ZBTB20: variants seen among roughly 807,000 people sequenced by gnomAD.
ZBTB20 encodes the protein zinc finger and BTB domain containing 20, also known as zinc finger and BTB domain-containing protein 20.
In ZBTB20, 9 loss-of-function variants were observed where a neutral mutation model predicts 56.9. The observed-to-expected ratio is 0.16, with a 90% CI of 0.10 to 0.28. The LOEUF is 0.28. Ranked by LOEUF, ZBTB20 falls within the 10% of genes least tolerant of loss-of-function variation. The pLI is 1.00. For missense variants in ZBTB20, 655 were observed against 1,003.0 expected, an observed-to-expected ratio of 0.65 and a Z score of 4.69; for synonymous variants, 417 against 420.7, an observed-to-expected ratio of 0.99 and a Z score of 0.11.
intron 6 of ZBTB20, among the ~76,000 whole-genome samples, chr3:114,681,900 T>C (rs1433830389): frequency 1.3e-5 from 2 of 152,154 alleles, no homozygotes; most frequent in African/African-American, 4.8e-5. Context: ...CTTCATTAGG[T>C]TGAAAGGTTA....
chr3:115,125,613 T>C (rs1289330498), intron 1 of ZBTB20, among the ~76,000 whole-genome samples: 2 of 152,166 alleles, frequency 1.3e-5, no homozygotes, highest in Non-Finnish European at 2.9e-5. Flanking sequence ...ATATAAAATT[T>C]CAGTTATACA....
chr3:114,993,007 C>T (rs1260968384), intron 2 of ZBTB20, among the ~76,000 whole-genome samples: 6 of 151,924 alleles, frequency 3.9e-5, no homozygotes, highest in African/African-American at 1.4e-4. Flanking sequence ...GAGAAAACAA[C>T]TTTCTTCACC....
At chr3:114,989,635 G>A (rs1311567236) in intron 2 of ZBTB20, among the ~76,000 whole-genome samples, 1 of 152,112 alleles carries the variant, frequency 6.6e-6, no homozygotes, top group Non-Finnish European at 1.5e-5. Flanking sequence ...CCAATTCTGT[G>A]AAGAAAGTCA....
chr3:115,007,464 A>T (rs1276656101), intron 2 of ZBTB20, among the ~76,000 whole-genome samples: 1 of 151,900 alleles, frequency 6.6e-6, no homozygotes, highest in East Asian at 1.9e-4. Flanking sequence ...AAGCTGTTCA[A>T]TGAATACTTA....
intron 6 of ZBTB20, among the ~76,000 whole-genome samples, chr3:114,655,241 C>CTTTTTT (rs2060335982): frequency 9.5e-6 from 1 of 105,752 alleles, no homozygotes; most frequent in African/African-American, 5.3e-5. Flanking sequence ...GTTTTCCTTT[C>CTTTTTT]CTTTTTTTTT....
intron 2 of ZBTB20, among the ~76,000 whole-genome samples, chr3:115,055,009 T>C (rs1461418975): frequency 6.6e-6 from 1 of 152,092 alleles, no homozygotes; most frequent in African/African-American, 2.4e-5. Flanking sequence ...TAGGAGTCCA[T>C]GCTTTCCTGA....
intron 6 of ZBTB20, among the ~76,000 whole-genome samples, chr3:114,539,165 T>C (rs1363708769): frequency 1.3e-5 from 2 of 152,186 alleles, no homozygotes; most frequent in Non-Finnish European, 2.9e-5. Context: ...TTCCTAGCTT[T>C]AGAAGATTAT....
At position 114,441,902 on chromosome 3, in the gene ZBTB20, A is replaced by G. The variant is rs116088449; in HGVS notation, c.-254-52797T>C. Among the ~76,000 whole-genome samples the G allele has an allele frequency of 8.0e-3, 1,215 of 152,250 alleles. 26 individuals carry two copies. Among genetic ancestry groups the G allele is most frequent in the African/African-American group, 0.028 (1,153 of 41,534 alleles). On this transcript the variant is annotated intron_variant, in intron 7 of 11. Coordinates refer to ENST00000675478, the MANE Select transcript of ZBTB20 (RefSeq NM_001348800.3). ...AAAATCCAAACCAAAACCAAAACAA[A>G]AAAAACCACCAACAAAACAAAATAA...
rs185305791 is a variant in ZBTB20 at position 114,532,918 on chromosome 3, C to T, written c.-294-32527G>A. On this transcript the variant is annotated intron_variant, in intron 6 of 11. Coordinates refer to ENST00000675478, the MANE Select transcript of ZBTB20 (RefSeq NM_001348800.3). ...AGATGCCAGACTGTTAGAAGGAAAACTAACAAACAGAAAGGAATAGCATCA... is the reference window on the plus strand; with the variant it reads ...AGATGCCAGACTGTTAGAAGGAAAATTAACAAACAGAAAGGAATAGCATCA... 9.5e-4 allele frequency among the ~76,000 whole-genome samples: 145 copies of T among 152,302 alleles called. 1 individual carries two copies. Among genetic ancestry groups the T allele is most frequent in the African/African-American group, 3.5e-3 (145 of 41,576 alleles).
At chr3:114,437,369 T>C (rs1021930831) in intron 7 of ZBTB20, among the ~76,000 whole-genome samples, 1 of 152,160 alleles carries the variant, frequency 6.6e-6, no homozygotes, top group Admixed American at 6.5e-5. Flanking sequence ...TTGGTTGAGG[T>C]GAGAGTAGCT....
chr3:114,722,601 G>GA (rs1230732541), intron 5 of ZBTB20, among the ~76,000 whole-genome samples: 2 of 152,092 alleles, frequency 1.3e-5, no homozygotes, highest in East Asian at 3.9e-4. Context: ...ACATATTAAA[G>GA]AAAAAAACAA....
intron 1 of ZBTB20, among the ~76,000 whole-genome samples, chr3:115,135,111 T>G (rs753069869): frequency 6.6e-6 from 1 of 152,210 alleles, no homozygotes; most frequent in Non-Finnish European, 1.5e-5. Context: ...TTTCTCATAT[T>G]TACCCATGGA....
intron 6 of ZBTB20, among the ~76,000 whole-genome samples, chr3:114,601,983 T>C (rs748672650): frequency 3.7e-4 from 56 of 152,018 alleles, no homozygotes; most frequent in Non-Finnish European, 7.8e-4. Context: ...GTAATGAGTA[T>C]TATAATCCAC....
intron 4 of ZBTB20, among the ~76,000 whole-genome samples, chr3:114,816,325 A>T (rs2072915144): frequency 6.6e-6 from 1 of 152,186 alleles, no homozygotes; most frequent in Non-Finnish European, 1.5e-5. Context: ...CCTCAAACAA[A>T]TGATACCACA....
At chr3:114,783,755 T>G (rs1241467314) in intron 5 of ZBTB20, among the ~76,000 whole-genome samples, 2 of 145,042 alleles carry the variant, frequency 1.4e-5, no homozygotes, top group Admixed American at 7.1e-5. Flanking sequence ...ATCGCGCCAC[T>G]GCACTCCAGC....
At chr3:114,362,922 G>A (rs181441900) in intron 10 of ZBTB20, among the ~76,000 whole-genome samples, 88 of 152,012 alleles carry the variant, frequency 5.8e-4, no homozygotes, top group Non-Finnish European at 7.8e-4. Context: ...TGATAACAGG[G>A]TATTTATATG....
intron 6 of ZBTB20, among the ~76,000 whole-genome samples, chr3:114,514,078 G>A (rs1404667158): frequency 1.3e-5 from 2 of 152,130 alleles, no homozygotes; most frequent in Admixed American, 1.3e-4. Context: ...AAAAATTCAT[G>A]GTATGTCTGG....
Position 114,657,973 on chromosome 3 carries a change from G to A in ZBTB20, c.-295+35555C>T, listed in dbSNP as rs371887111. 1.8e-4 allele frequency among the ~76,000 whole-genome samples: 28 copies of A among 152,096 alleles called. No homozygotes were observed. The East Asian group carries it at 4.8e-3, about 26-fold the overall frequency. ...TGTTAGATAGCACTTGAACTGATAT[G>A]GAAAACTGCATTAGAATCAAAGTGT... On this transcript the variant is annotated intron_variant, in intron 6 of 11. Coordinates refer to ENST00000675478, the MANE Select transcript of ZBTB20 (RefSeq NM_001348800.3).
At chr3:114,916,474 T>C (rs949556199) in intron 3 of ZBTB20, among the ~76,000 whole-genome samples, 2 of 152,128 alleles carry the variant, frequency 1.3e-5, no homozygotes, top group Non-Finnish European at 2.9e-5. Flanking sequence ...AATAATATTT[T>C]TACTGTTACT....
Sources: gnomAD v4.1 joint callset for allele counts (sites outside exome capture counted in the v4.1 genomes callset) on GRCh38, gnomAD v4.1.1 for gene constraint, MANE v1.5 for transcripts, NCBI Gene and HGNC (gene_info 2026-07-23, HGNC 2026-07-21) for gene names.